Variants in PDE4D observed in about 807,000 individuals in gnomAD.
PDE4D encodes the protein phosphodiesterase 4D.
A neutral mutation model predicts 87.4 loss-of-function variants in PDE4D; 24 were observed. The ratio of observed to expected loss-of-function variants is 0.27; its 90% CI spans 0.20 to 0.39. The LOEUF (loss-of-function observed/expected upper bound fraction) is 0.39, where lower values mean the gene tolerates loss of function less well. PDE4D is among the 10% of genes least tolerant of loss of function. The pLI is 1.00. For missense variants in PDE4D, 714 were observed against 1,041.0 expected (o/e 0.69, Z 4.32); for synonymous variants, 384 against 383.2 (o/e 1.00, Z -0.02).
intron 1 of PDE4D, among the ~76,000 whole-genome samples, chr5:59,754,946 C>T (rs905256329): frequency 4.0e-5 from 6 of 151,830 alleles, no homozygotes; most frequent in Non-Finnish European, 8.8e-5. Flanking sequence ...TTACCTGCAA[C>T]TAAGGGATTG....
intron 2 of PDE4D, among the ~76,000 whole-genome samples, chr5:60,094,498 G>A (rs557103192): frequency 1.3e-5 from 2 of 148,454 alleles, no homozygotes; most frequent in South Asian, 4.4e-4. Flanking sequence ...ACTTTAGAAT[G>A]TGATTTGGTT....
chr5:60,421,021 A>G (rs1743045394), intron 1 of PDE4D, among the ~76,000 whole-genome samples: 7 of 152,214 alleles, frequency 4.6e-5, no homozygotes, highest in Admixed American at 4.6e-4. Context: ...TAGGTAAACA[A>G]AGTGGCCAGG....
chr5:59,820,229 C>T (rs899902667), intron 1 of PDE4D, among the ~76,000 whole-genome samples: 1 of 152,196 alleles, frequency 6.6e-6, no homozygotes, highest in Non-Finnish European at 1.5e-5. Flanking sequence ...TCTTCACACA[C>T]ATCCTCCATT....
At chr5:60,366,439 T>C (rs79028343) in intron 1 of PDE4D, among the ~76,000 whole-genome samples, 1,806 of 152,194 alleles carry the variant, frequency 0.012, 38 homozygotes, top group African/African-American at 0.041. Flanking sequence ...TGGGGTGAAG[T>C]TCTCCCTAAG....
intron 1 of PDE4D, among the ~76,000 whole-genome samples, chr5:60,503,169 T>C (rs991108036): frequency 2.0e-5 from 3 of 152,028 alleles, no homozygotes; most frequent in Non-Finnish European, 4.4e-5. Flanking sequence ...CGAATAAAAA[T>C]GGAAGAGAAA....
chr5:60,104,132 C>T (rs1263389004), intron 2 of PDE4D, among the ~76,000 whole-genome samples: 1 of 152,190 alleles, frequency 6.6e-6, no homozygotes, highest in Non-Finnish European at 1.5e-5. Flanking sequence ...CAGACAATAC[C>T]TGGAAAATCA....
chr5:59,905,846 A>G (rs1287365942), intron 3 of PDE4D, among the ~76,000 whole-genome samples: 2 of 152,200 alleles, frequency 1.3e-5, no homozygotes, highest in African/African-American at 4.8e-5. Flanking sequence ...AGTGCTTTTG[A>G]AAATTATGAA....
In PDE4D at chr5:60,459,847, T is replaced by C. The variant is rs143281723; in HGVS notation, c.-90+28095A>G. On this transcript the variant is annotated intron_variant, in intron 1 of 16. Coordinates refer to the PDE4D transcript ENST00000502484. ...GGAAAGTTGGAACCTATCAGTGTTC[T>C]AGTAATCTTTTCCTTCATCCTTCTC... 7.8e-4 allele frequency: 473 copies of C among 605,500 alleles called. 3 individuals carry two copies. In the African/African-American group the frequency reaches 8.2e-3, roughly 11 times the overall value. The allele number at this position is 605,500 out of a possible 1,614,324, so 37.5% of individuals were successfully genotyped here.
intron 6 of PDE4D, among the ~76,000 whole-genome samples, chr5:59,015,051 G>A (rs1260944473): frequency 6.6e-6 from 1 of 152,126 alleles, no homozygotes; most frequent in Non-Finnish European, 1.5e-5. Flanking sequence ...AAATGGTGCT[G>A]GGAAAACTGG....
At chr5:59,781,500 T>C (rs940730450) in intron 1 of PDE4D, among the ~76,000 whole-genome samples, 2 of 151,660 alleles carry the variant, frequency 1.3e-5, no homozygotes, top group Non-Finnish European at 2.9e-5. Flanking sequence ...AAAAAATCAA[T>C]TCCTGGGCCG....
intron 1 of PDE4D, among the ~76,000 whole-genome samples, chr5:60,237,958 C>T (rs749998054): frequency 2.0e-5 from 3 of 151,792 alleles, no homozygotes; most frequent in Non-Finnish European, 4.4e-5. Flanking sequence ...TGTATCCTTC[C>T]CTCTCTGAGC....
intron 2 of PDE4D, among the ~76,000 whole-genome samples, chr5:60,152,723 G>GT (rs1304874673): frequency 6.6e-6 from 1 of 151,626 alleles, no homozygotes; most frequent in East Asian, 1.9e-4. Context: ...TTGTTGGGAG[G>GT]TTTTTTATTA....
intron 1 of PDE4D, among the ~76,000 whole-genome samples, chr5:59,707,070 TTC>T (rs1388322783): frequency 6.6e-6 from 1 of 152,178 alleles, no homozygotes; most frequent in African/African-American, 2.4e-5. Context: ...GTTAAAGAAT[TTC>T]TTTTATATTT....
At chr5:60,334,311 C>T (rs746099949) in intron 1 of PDE4D, among the ~76,000 whole-genome samples, 4 of 152,158 alleles carry the variant, frequency 2.6e-5, no homozygotes, top group Admixed American at 6.5e-5. Flanking sequence ...ACAACTCACC[C>T]CAGCCTGACT....
chr5:59,648,121 A>C (rs908149832), intron 1 of PDE4D, among the ~76,000 whole-genome samples: 8 of 152,210 alleles, frequency 5.3e-5, no homozygotes, highest in African/African-American at 1.9e-4. Context: ...TTTAGAAAAT[A>C]AATTTCACTA....
At chr5:60,027,513 C>T (rs1382479570) in intron 2 of PDE4D, among the ~76,000 whole-genome samples, 7 of 152,078 alleles carry the variant, frequency 4.6e-5, no homozygotes, top group Non-Finnish European at 4.4e-5. Context: ...TTTGCTGTTG[C>T]CCCCCACCAC....
rs1460760419 is a variant in PDE4D, at chr5:60,506,839, C to T, written n.70+15212G>A. On this transcript the variant is annotated intron_variant and non_coding_transcript_variant, in intron 1 of 2. Coordinates refer to the PDE4D transcript ENST00000506510. Reference sequence around the variant, plus strand: ...GACTTCCCGTAAGTAAATCATAGTTCAACTGGGACAAAATATGGTTGCAAT... The same window carrying T: ...GACTTCCCGTAAGTAAATCATAGTTTAACTGGGACAAAATATGGTTGCAAT... Among the ~76,000 whole-genome samples the T allele has an allele frequency of 2.0e-5, 3 of 147,934 alleles. No homozygotes were observed. In the Admixed American group the frequency reaches 2.1e-4, roughly 10 times the overall value.
intron 1 of PDE4D, among the ~76,000 whole-genome samples, chr5:59,588,741 C>A (rs1434244558): frequency 6.6e-6 from 1 of 152,166 alleles, no homozygotes; most frequent in African/African-American, 2.4e-5. Flanking sequence ...GCAATGTGAA[C>A]TTGTAGGTTC....
At chr5:60,482,871 A>G (rs1004572473) in intron 1 of PDE4D, among the ~76,000 whole-genome samples, 1 of 152,196 alleles carries the variant, frequency 6.6e-6, no homozygotes, top group African/African-American at 2.4e-5. Context: ...TCCATTAAAT[A>G]TCATGTTTGT....
Sources: gnomAD v4.1 joint callset for allele counts (sites outside exome capture counted in the v4.1 genomes callset) on GRCh38, gnomAD v4.1.1 for gene constraint, MANE v1.5 for transcripts, NCBI Gene and HGNC (gene_info 2026-07-23, HGNC 2026-07-21) for gene names.